The following ITFG1 variants were observed in gnomAD, a reference collection of about 807,000 sequenced individuals.
ITFG1 encodes the protein integrin alpha FG-GAP repeat containing 1.
In ITFG1, 34 loss-of-function variants were observed where a neutral mutation model predicts 81.8. The observed-to-expected ratio is 0.42, with a 90% CI of 0.32 to 0.55. The LOEUF is 0.55. Ranked by LOEUF, ITFG1 falls within the 20% of genes least tolerant of loss-of-function variation. The probability of loss-of-function intolerance (pLI) is 0.17; values close to 1 mark genes in which losing one functional copy is unlikely to be tolerated. For synonymous variants in ITFG1, 285 were observed against 270.6 expected (o/e 1.05, Z -0.52); for missense variants, 672 against 755.4 (o/e 0.89, Z 1.29).
rs1026135669 is a variant in ITFG1 at position 47,347,115 on chromosome 16, G to T, written c.802+18673C>A. ...AGCTGCAGTCTACAGCTCCCAGCGT[G>T]AGCAACACAGAAGACGGGTGATTTC... On this transcript the variant is annotated intron_variant, in intron 8 of 17. Coordinates refer to ENST00000320640, the MANE Select transcript of ITFG1 (RefSeq NM_030790.5). 5.9e-5 allele frequency among the ~76,000 whole-genome samples: 9 copies of T among 152,226 alleles called. No individual in the cohort carries two copies. In the East Asian group the frequency reaches 1.5e-3, roughly 26 times the overall value.
intron 14 of ITFG1, among the ~76,000 whole-genome samples, chr16:47,207,106 G>A (rs1030524113): frequency 4.6e-5 from 7 of 151,770 alleles, no homozygotes; most frequent in Admixed American, 6.6e-5. Context: ...TTTTTGAGAC[G>A]GAGTCTCGCT....
chr16:47,242,628 T>C (rs963179034), intron 12 of ITFG1, among the ~76,000 whole-genome samples: 3 of 152,250 alleles, frequency 2.0e-5, no homozygotes, highest in African/African-American at 4.8e-5. Context: ...AAACAGGACA[T>C]ATTTTTCACC....
At chr16:47,330,596 C>T (rs1967623776) in intron 8 of ITFG1, among the ~76,000 whole-genome samples, 1 of 151,984 alleles carries the variant, frequency 6.6e-6, no homozygotes, top group Non-Finnish European at 1.5e-5. Context: ...GGACTAATAT[C>T]CAGAATCGAT....
At chr16:47,348,670 G>T (rs1302707761) in intron 8 of ITFG1, among the ~76,000 whole-genome samples, 1 of 152,200 alleles carries the variant, frequency 6.6e-6, no homozygotes, top group Non-Finnish European at 1.5e-5. Context: ...CCCCAACCTA[G>T]CAAGGCAGGC....
At chr16:47,181,463 C>T (rs1965117894) in intron 14 of ITFG1, among the ~76,000 whole-genome samples, 2 of 135,050 alleles carry the variant, frequency 1.5e-5, no homozygotes. Context: ...GGGGGGTCAG[C>T]CCCCCCGCCC....
At chr16:47,239,761 C>T (rs1965913135) in intron 12 of ITFG1, among the ~76,000 whole-genome samples, 1 of 152,176 alleles carries the variant, frequency 6.6e-6, no homozygotes, top group South Asian at 2.1e-4. Context: ...CCTAACTTCT[C>T]ACTCTCCTTT....
intron 14 of ITFG1, among the ~76,000 whole-genome samples, chr16:47,190,134 T>C (rs774992407): frequency 2.0e-5 from 3 of 152,162 alleles, no homozygotes; most frequent in Non-Finnish European, 4.4e-5. Flanking sequence ...GCACTTAATT[T>C]TCCTTGTTGG....
intron 10 of ITFG1, among the ~76,000 whole-genome samples, chr16:47,276,252 A>T (rs1023753698): frequency 6.6e-6 from 1 of 152,166 alleles, no homozygotes; most frequent in Admixed American, 6.6e-5. Context: ...TTTCAATAAT[A>T]GTCATTAGAA....
intron 12 of ITFG1, among the ~76,000 whole-genome samples, chr16:47,256,430 AC>A (rs1446276171): frequency 6.6e-6 from 1 of 152,166 alleles, no homozygotes; most frequent in Non-Finnish European, 1.5e-5. Flanking sequence ...CTAATTACAT[AC>A]ACAATTAGGT....
chr16:47,341,979 C>T (rs559308501), intron 8 of ITFG1, among the ~76,000 whole-genome samples: 33 of 152,228 alleles, frequency 2.2e-4, no homozygotes, highest in African/African-American at 7.5e-4. Context: ...CTGTTGAATA[C>T]CACCAATCAT....
At chr16:47,285,877 T>C (rs1029973594) in intron 10 of ITFG1, among the ~76,000 whole-genome samples, 1 of 152,194 alleles carries the variant, frequency 6.6e-6, no homozygotes, top group Non-Finnish European at 1.5e-5. Flanking sequence ...CCTCTGATCA[T>C]CTGTGCCTTG....
At chr16:47,348,230 A>C (rs1393927541) in intron 8 of ITFG1, among the ~76,000 whole-genome samples, 1 of 152,232 alleles carries the variant, frequency 6.6e-6, no homozygotes, top group Non-Finnish European at 1.5e-5. Flanking sequence ...TGACGAGTTA[A>C]GAGAAGAAGG....
At chr16:47,168,810 G>T (rs1391018440) in intron 14 of ITFG1, among the ~76,000 whole-genome samples, 1 of 152,140 alleles carries the variant, frequency 6.6e-6, no homozygotes, top group East Asian at 1.9e-4. Context: ...AGGAAATGCA[G>T]ATCTACTTCT....
At chr16:47,193,860 T>TTAAAAAA (rs1965322425) in intron 14 of ITFG1, among the ~76,000 whole-genome samples, 1 of 152,126 alleles carries the variant, frequency 6.6e-6, no homozygotes. Flanking sequence ...TAAAGAACAA[T>TTAAAAAA]TAAAAAATAA....
intron 13 of ITFG1, among the ~76,000 whole-genome samples, chr16:47,234,224 A>G (rs1198406959): frequency 6.6e-6 from 1 of 152,242 alleles, no homozygotes; most frequent in African/African-American, 2.4e-5. Context: ...TAAAATAACT[A>G]TGATTAACAT....
chr16:47,203,952 A>G (rs1054234465), intron 14 of ITFG1, among the ~76,000 whole-genome samples: 1 of 152,180 alleles, frequency 6.6e-6, no homozygotes, highest in Non-Finnish European at 1.5e-5. Flanking sequence ...GAGAGTAATG[A>G]TGGTGATGGT....
chr16:47,406,835 G>A (rs1216616581), intron 6 of ITFG1, among the ~76,000 whole-genome samples: 1 of 152,180 alleles, frequency 6.6e-6, no homozygotes, highest in Non-Finnish European at 1.5e-5. Context: ...AAGATGTGAA[G>A]AAGGTAAAGT....
In ITFG1 at chr16:47,155,521, A is replaced by G. The variant is rs148918084; in HGVS notation, c.*198T>C. 2.3e-5 allele frequency: 10 copies of G among 426,518 alleles called. No homozygotes were observed. The East Asian group carries it at 3.9e-4, about 17-fold the overall frequency. 26.4% of individuals were successfully genotyped at this position (426,518 alleles called of 1,614,324 possible). Reference sequence around the variant, plus strand: ...ACAGCACTACAGAATAGAGAACCCAAATTTTTATATACAAAGTGCTTTAAA... The same window carrying G: ...ACAGCACTACAGAATAGAGAACCCAGATTTTTATATACAAAGTGCTTTAAA... On this transcript the variant is annotated 3_prime_UTR_variant, in exon 18 of 18. Coordinates refer to ENST00000320640, the MANE Select transcript of ITFG1 (RefSeq NM_030790.5).
At chr16:47,180,965 C>G (rs987007992) in intron 14 of ITFG1, among the ~76,000 whole-genome samples, 1 of 147,574 alleles carries the variant, frequency 6.8e-6, no homozygotes, top group Admixed American at 6.7e-5. Flanking sequence ...CGCCCATCAT[C>G]TGGGATGTGA....
Sources: gnomAD v4.1 joint callset for allele counts (sites outside exome capture counted in the v4.1 genomes callset) on GRCh38, gnomAD v4.1.1 for gene constraint, MANE v1.5 for transcripts, NCBI Gene and HGNC (gene_info 2026-07-23, HGNC 2026-07-21) for gene names.